Variants in DGKI observed in about 807,000 individuals in gnomAD.
The protein encoded by DGKI is diacylglycerol kinase iota, also known as DAG kinase iota.
In DGKI, 55 loss-of-function variants were observed where a neutral mutation model predicts 147.5. The ratio of observed to expected loss-of-function variants is 0.37; its 90% CI spans 0.30 to 0.47. The LOEUF (loss-of-function observed/expected upper bound fraction) is 0.47, where lower values mean the gene tolerates loss of function less well. DGKI is among the 20% of genes least tolerant of loss of function. The pLI, the probability that DGKI is intolerant of heterozygous loss-of-function variation, is 1.00. For synonymous variants in DGKI, 469 were observed against 477.1 expected, an observed-to-expected ratio of 0.98 and a Z score of 0.22; for missense variants, 1,007 against 1,323.8, an observed-to-expected ratio of 0.76 and a Z score of 3.71.
intron 30 of DGKI, among the ~76,000 whole-genome samples, chr7:137,404,357 GAT>G (rs1426089442): frequency 6.6e-6 from 1 of 152,096 alleles, no homozygotes; most frequent in African/African-American, 2.4e-5. Flanking sequence ...AAAAAGATAA[GAT>G]AGACATCAAA....
chr7:137,759,233 G>C (rs1403264355), intron 1 of DGKI, among the ~76,000 whole-genome samples: 2 of 151,904 alleles, frequency 1.3e-5, no homozygotes, highest in African/African-American at 4.8e-5. Context: ...CTATTTCTTA[G>C]TTCACTTAGT....
intron 3 of DGKI, among the ~76,000 whole-genome samples, chr7:137,659,801 T>C (rs1223265469): frequency 2.0e-5 from 3 of 152,002 alleles, no homozygotes; most frequent in Non-Finnish European, 1.5e-5. Context: ...GGCATGGTGG[T>C]GGGCACCTGT....
intron 20 of DGKI, among the ~76,000 whole-genome samples, chr7:137,526,001 C>A (rs1417182644): frequency 6.6e-6 from 1 of 151,394 alleles, no homozygotes; most frequent in Non-Finnish European, 1.5e-5. Context: ...ACAGCTAGAA[C>A]ATGGGGGAGT....
chr7:137,837,319 G>T (rs1798412848), intron 1 of DGKI, among the ~76,000 whole-genome samples: 1 of 152,214 alleles, frequency 6.6e-6, no homozygotes, highest in South Asian at 2.1e-4. Context: ...TTTGAACCAA[G>T]AAAAGCTTTT....
At chr7:137,674,192 C>T (rs547774689) in intron 3 of DGKI, among the ~76,000 whole-genome samples, 5 of 152,310 alleles carry the variant, frequency 3.3e-5, no homozygotes, top group South Asian at 2.1e-4. Flanking sequence ...AATTCCATTA[C>T]GTATCTGCTC....
intron 6 of DGKI, among the ~76,000 whole-genome samples, chr7:137,638,532 ACATATATG>A (rs1169584385): frequency 8.5e-6 from 1 of 117,430 alleles, no homozygotes; most frequent in South Asian, 2.6e-4. Flanking sequence ...ATATACACAC[ACATATATG>A]TATATATATG....
chr7:137,400,396 C>T (rs1371782510), intron 30 of DGKI, among the ~76,000 whole-genome samples: 1 of 152,230 alleles, frequency 6.6e-6, no homozygotes, highest in African/African-American at 2.4e-5. Context: ...TTTTCTCCTT[C>T]ATTCAGCTCT....
chr7:137,576,747 C>T (rs1039065658), intron 17 of DGKI, among the ~76,000 whole-genome samples: 7 of 152,122 alleles, frequency 4.6e-5, no homozygotes, highest in East Asian at 1.9e-4. Flanking sequence ...ATCAACACTT[C>T]GTTCTAAAAT....
chr7:137,551,751 T>C (rs1818052120), intron 20 of DGKI, among the ~76,000 whole-genome samples: 1 of 152,114 alleles, frequency 6.6e-6, no homozygotes, highest in Non-Finnish European at 1.5e-5. Context: ...AAACTCCAGG[T>C]GGGATACCAT....
intron 1 of DGKI, among the ~76,000 whole-genome samples, chr7:137,693,839 T>C (rs1031977116): frequency 4.6e-5 from 7 of 152,216 alleles, no homozygotes; most frequent in Non-Finnish European, 7.3e-5. Context: ...TAGCAGCTCT[T>C]TAAAAATAAA....
At chr7:137,492,607 T>G (rs1253641928) in intron 21 of DGKI, among the ~76,000 whole-genome samples, 1 of 152,000 alleles carries the variant, frequency 6.6e-6, no homozygotes, top group Non-Finnish European at 1.5e-5. Flanking sequence ...CTGGAAGGGA[T>G]AGTTGCTTAG....
intron 27 of DGKI, among the ~76,000 whole-genome samples, chr7:137,449,414 T>C (rs1813863077): frequency 6.6e-6 from 1 of 152,138 alleles, no homozygotes; most frequent in South Asian, 2.1e-4. Flanking sequence ...ATAAATAGTG[T>C]TGGGAAAAGC....
At chr7:137,593,957 C>G (rs1819703711) in intron 12 of DGKI, among the ~76,000 whole-genome samples, 1 of 152,156 alleles carries the variant, frequency 6.6e-6, no homozygotes, top group Non-Finnish European at 1.5e-5. Flanking sequence ...GGTTAAGGAA[C>G]CTGCCAAAGG....
intron 1 of DGKI, among the ~76,000 whole-genome samples, chr7:137,728,724 C>G (rs941599681): frequency 4.6e-5 from 7 of 152,124 alleles, no homozygotes; most frequent in Admixed American, 2.6e-4. Context: ...CATGGTTTCC[C>G]ATGTTCTCAT....
At chr7:137,649,039 A>G (rs1331349430) in intron 5 of DGKI, among the ~76,000 whole-genome samples, 1 of 152,188 alleles carries the variant, frequency 6.6e-6, no homozygotes, top group African/African-American at 2.4e-5. Flanking sequence ...TGAGATGTCC[A>G]GCATCCTTCT....
intron 27 of DGKI, among the ~76,000 whole-genome samples, chr7:137,446,682 C>T (rs754411148): frequency 4.6e-5 from 7 of 151,864 alleles, no homozygotes; most frequent in East Asian, 1.9e-4. Context: ...GCCGAGACCG[C>T]GCCATTGCAC....
At chr7:137,502,193 C>A (rs2128943010) in intron 21 of DGKI, among the ~76,000 whole-genome samples, 1 of 152,236 alleles carries the variant, frequency 6.6e-6, no homozygotes, top group Admixed American at 6.5e-5. Flanking sequence ...GGGCCTAAGC[C>A]TGGGGGTTCA....
chr7:137,729,902 T>G (rs1037537963), intron 1 of DGKI, among the ~76,000 whole-genome samples: 1 of 152,116 alleles, frequency 6.6e-6, no homozygotes. Flanking sequence ...GGATTCATCT[T>G]GCTCGTTGAC....
intron 21 of DGKI, among the ~76,000 whole-genome samples, chr7:137,517,377 G>A (rs1252254079): frequency 1.4e-5 from 2 of 143,834 alleles, no homozygotes; most frequent in East Asian, 4.1e-4. Flanking sequence ...GGGAGAGAGA[G>A]AGGGCGGGAG....
Sources: allele counts gnomAD v4.1 joint callset (sites outside exome capture counted in the v4.1 genomes callset), GRCh38; gene constraint gnomAD v4.1.1; transcripts MANE v1.5; gene names NCBI Gene and HGNC (gene_info 2026-07-23, HGNC 2026-07-21).